Variants in CDK5RAP2 observed in about 807,000 individuals in gnomAD.
CDK5RAP2 encodes the protein CDK5 regulatory subunit-associated protein 2.
Under a neutral mutation model 232.9 loss-of-function variants are expected in CDK5RAP2, and 147 were observed. The ratio of observed to expected loss-of-function variants is 0.63; its 90% CI spans 0.55 to 0.72. The LOEUF (loss-of-function observed/expected upper bound fraction) is 0.72, where lower values mean the gene tolerates loss of function less well. Among genes scored for constraint, CDK5RAP2 ranks in the 30% least tolerant of loss-of-function variants. The pLI is 0.00. For missense variants in CDK5RAP2, 2,195 were observed against 2,231.5 expected (o/e 0.98, Z 0.33); for synonymous variants, 833 against 833.7 (o/e 1.00, Z 0.01).
intron 12 of CDK5RAP2, among the ~76,000 whole-genome samples, chr9:120,497,842 T>C (rs2039385376): frequency 6.6e-6 from 1 of 152,200 alleles, no homozygotes; most frequent in Non-Finnish European, 1.5e-5. Context: ...CTAAAACCCC[T>C]GTGGCCTTTG....
rs751301959 is a variant in CDK5RAP2 at position 120,530,011 on chromosome 9, A to G, written c.792T>C (p.Ala264=). 4 of 1,614,020 alleles carry G rather than the reference A, an allele frequency of 2.5e-6. 1 individual carries two copies. The highest frequency in any genetic ancestry group is 3.3e-4 in the Middle Eastern group (2 of 6,060). ...CTCTCTCCTTTTCTTCCCTTGGAGC[A>G]GCACAAAGTCCTCGGAGCTCTCCAG... ...VSSGELRGLC[A]APREEKERET... is the part of the protein sequence containing the mutation. Residue 264 remains alanine (A), a synonymous_variant, in exon 8 of 38, where the codon GCT becomes GCC. Coordinates refer to ENST00000349780, the MANE Select transcript of CDK5RAP2 (RefSeq NM_018249.6).
chr9:120,540,706 A>ATTCCTC (rs2041594752), intron 5 of CDK5RAP2, among the ~76,000 whole-genome samples: 1 of 152,172 alleles, frequency 6.6e-6, no homozygotes, highest in African/African-American at 2.4e-5. Context: ...AGCCTCAGTA[A>ATTCCTC]ATTACCTCTC....
chr9:120,477,808 C>T (rs1262497506), intron 14 of CDK5RAP2, among the ~76,000 whole-genome samples: 3 of 152,226 alleles, frequency 2.0e-5, no homozygotes, highest in Non-Finnish European at 4.4e-5. Flanking sequence ...TCCATATTCA[C>T]TGTTGCTCCA....
chr9:120,437,583 A>T (rs1257703234), intron 24 of CDK5RAP2, 56 bp from the exon 25 acceptor site: 2 of 1,257,058 alleles, frequency 1.6e-6, no homozygotes, highest in African/African-American at 2.9e-5. Flanking sequence ...AATTTTTGTG[A>T]CCTTAACACT....
intron 22 of CDK5RAP2, among the ~76,000 whole-genome samples, chr9:120,446,161 T>C (rs1216675719): frequency 1.3e-5 from 2 of 152,126 alleles, no homozygotes; most frequent in Admixed American, 1.3e-4. Context: ...AGAGACAATA[T>C]GCAAACAAAT....
Position 120,453,748 on chromosome 9 carries a change from A to C in CDK5RAP2, c.2501T>G (p.Val834Gly). 1 of 1,614,224 alleles carries C rather than the reference A, an allele frequency of 6.2e-7. No homozygotes were observed. Among genetic ancestry groups the C allele is most frequent in the Non-Finnish European group, 8.5e-7 (1 of 1,180,032 alleles). ...EKTPKQKGELVHFVQTNSFSK... is the reference protein window; with the variant it reads ...EKTPKQKGELGHFVQTNSFSK... ...AAATGAGTTGGTTTGGACAAAATGTACAAGTTCACCTTTTTGCTTAGGTGT... is the reference window on the plus strand; with the variant it reads ...AAATGAGTTGGTTTGGACAAAATGTCCAAGTTCACCTTTTTGCTTAGGTGT... The change falls in exon 21 of 38, where the codon GTA becomes GGA. Residue 834 changes from valine (V) to glycine (G), a missense_variant. Val to Gly is a moderately radical substitution (Grantham distance 109). Transcript: ENST00000349780.
At position 120,470,110 on chromosome 9, in the gene CDK5RAP2, C is replaced by A; in HGVS notation, c.1968+1G>T. Reference sequence around the variant, plus strand: ...AGCACTAAAAATTAATAGGTCAATACCTTTTTCTTAAGTTCTTCTTGAGAA... The same window carrying A: ...AGCACTAAAAATTAATAGGTCAATAACTTTTTCTTAAGTTCTTCTTGAGAA... On this transcript the variant is annotated splice_donor_variant, in intron 17 of 37. Transcript: ENST00000349780. LOFTEE classifies it high-confidence loss of function. 6.9e-7 allele frequency: 1 copy of A among 1,447,706 alleles called. No homozygotes were observed. The highest frequency in any genetic ancestry group is 2.3e-5 in the East Asian group (1 of 43,938). 89.7% of individuals were successfully genotyped at this position (1,447,706 alleles called of 1,614,324 possible).
At chr9:120,515,136 A>T (rs926726791) in intron 12 of CDK5RAP2, among the ~76,000 whole-genome samples, 6 of 152,124 alleles carry the variant, frequency 3.9e-5, no homozygotes, top group Admixed American at 6.5e-5. Context: ...TTACCAAACA[A>T]ACATTATAAT....
intron 3 of CDK5RAP2, among the ~76,000 whole-genome samples, chr9:120,560,633 T>C (rs954506106): frequency 6.6e-6 from 1 of 152,220 alleles, no homozygotes; most frequent in Non-Finnish European, 1.5e-5. Context: ...TCTTTTTTTT[T>C]GAGACAAGAG....
At chr9:120,525,148 T>C (rs2040843598) in intron 10 of CDK5RAP2, 70 bp from the exon 11 acceptor site, 3 of 1,137,822 alleles carry the variant, frequency 2.6e-6, no homozygotes. Flanking sequence ...CCACATGCTT[T>C]TCCTGCTCAA....
intron 12 of CDK5RAP2, 94 bp from the exon 13 acceptor site, chr9:120,491,571 G>A (rs2038909953): frequency 2.4e-6 from 2 of 817,826 alleles, no homozygotes; most frequent in Non-Finnish European, 4.1e-6. Flanking sequence ...AAGAGAGCAA[G>A]ATAATAGATG....
In CDK5RAP2 at chr9:120,447,988, A is replaced by G; in HGVS notation, c.2932T>C (p.Phe978Leu). The G allele has an allele frequency of 1.2e-6, 2 of 1,613,538 alleles. No homozygotes were observed. The highest frequency in any genetic ancestry group is 1.7e-6 in the Non-Finnish European group (2 of 1,179,876). ...ILELQGELKE[F>L]KTCNKQLHQK... ...TGAAGTTGCTTATTACAAGTTTTAA[A>G]CTCCTTCAGCTCCCCCTGCAGCTCC... The change falls in exon 22 of 38, where the codon TTT becomes CTT. Residue 978 changes from phenylalanine (F) to leucine (L), a missense_variant. By Grantham distance (22) the Phe-to-Leu change is conservative. Transcript: ENST00000349780.
intron 6 of CDK5RAP2, 72 bp from the exon 7 acceptor site, chr9:120,536,598 T>A: frequency 7.3e-7 from 1 of 1,372,920 alleles, no homozygotes; most frequent in Non-Finnish European, 1.0e-6. Context: ...GAAATTGGAT[T>A]AAAATATAAA....
chr9:120,540,203 G>T (rs550069524), intron 5 of CDK5RAP2, among the ~76,000 whole-genome samples: 1 of 152,112 alleles, frequency 6.6e-6, no homozygotes, highest in Non-Finnish European at 1.5e-5. Flanking sequence ...AAACAGTGTC[G>T]GACATGACTC....
Position 120,536,429 on chromosome 9 carries a change from A to T in CDK5RAP2, c.605T>A (p.Met202Lys), listed in dbSNP as rs569620251. The T allele has an allele frequency of 6.2e-7, 1 of 1,614,160 alleles. No individual in the cohort carries two copies. Among genetic ancestry groups the T allele is most frequent in the South Asian group, 1.1e-5 (1 of 91,082 alleles). Reference sequence around the variant, plus strand: ...CAAGTCCCCCTCGTGCATCTTCTTCATCTCTGAAAGCTTGCTTTCCAAACG... The same window carrying T: ...CAAGTCCCCCTCGTGCATCTTCTTCTTCTCTGAAAGCTTGCTTTCCAAACG... The part of the protein sequence containing the change: ...RLRLESKLSE[M>K]KKMHEGDLAM... Residue 202 changes from methionine to lysine, a missense_variant, in exon 7 of 38, where the codon ATG (methionine) becomes AAG (lysine). Physicochemically the swap from Met to Lys is moderately conservative, Grantham distance 95. Transcript: ENST00000349780.
At chr9:120,434,358 T>C (rs552936035) in intron 25 of CDK5RAP2, among the ~76,000 whole-genome samples, 5 of 151,634 alleles carry the variant, frequency 3.3e-5, no homozygotes, top group African/African-American at 4.8e-5. Context: ...GCGGCAGAAG[T>C]AAGGAGAGAG....
chr9:120,567,198 T>C (rs768426496), intron 3 of CDK5RAP2, among the ~76,000 whole-genome samples: 2 of 152,242 alleles, frequency 1.3e-5, no homozygotes, highest in Non-Finnish European at 2.9e-5. Context: ...CCCCACAGCA[T>C]AGATCGAGTT....
intron 12 of CDK5RAP2, among the ~76,000 whole-genome samples, chr9:120,499,175 T>C (rs561563041): frequency 7.2e-4 from 110 of 152,366 alleles, no homozygotes; most frequent in Non-Finnish European, 1.3e-3. Context: ...AATGGTACTT[T>C]TTAAAGCATA....
rs143470635 is a variant in CDK5RAP2 at position 120,455,539 on chromosome 9, G to A, written c.2376-1666C>T. Among the ~76,000 whole-genome samples, 11 of 151,992 alleles carry A rather than the reference G, an allele frequency of 7.2e-5. No individual in the cohort carries two copies. The East Asian group carries it at 1.4e-3, about 19-fold the overall frequency. On this transcript the variant is annotated intron_variant, in intron 20 of 37. Transcript: ENST00000349780. ...GCAGATAGTTTGAGCTCACAAATTC[G>A]AGACCAGACTGGGCAACATGGTGAA...
Sources: gnomAD v4.1 joint callset for allele counts (sites outside exome capture counted in the v4.1 genomes callset) on GRCh38, gnomAD v4.1.1 for gene constraint, MANE v1.5 for transcripts, NCBI Gene and HGNC (gene_info 2026-07-23, HGNC 2026-07-21) for gene names.